Variants in C12orf42 observed in about 807,000 individuals in gnomAD.
C12orf42 encodes uncharacterized protein C12orf42.
Under a neutral mutation model 21.6 loss-of-function variants are expected in C12orf42, and 25 were observed. The ratio of observed to expected loss-of-function variants is 1.16; its 90% CI spans 0.84 to 1.62. The LOEUF (loss-of-function observed/expected upper bound fraction) is 1.62, where lower values mean the gene tolerates loss of function less well. Among genes scored for constraint, C12orf42 ranks in the 40% most tolerant of loss-of-function variants. The pLI is 0.00. For synonymous variants in C12orf42, 174 were observed against 175.0 expected (o/e 0.99, Z 0.05); for missense variants, 483 against 459.3 (o/e 1.05, Z -0.47).
the C12orf42 span, among the ~76,000 whole-genome samples, chr12:103,147,019 C>T: frequency 3.3e-5 from 5 of 152,120 alleles, no homozygotes. Context: ...GAAAAATGGT[C>T]CAGACCCTCA....
chr12:103,372,504 C>G (rs2045343006), intron 3 of C12orf42, among the ~76,000 whole-genome samples: 1 of 152,130 alleles, frequency 6.6e-6, no homozygotes. Flanking sequence ...CCAGCATCAC[C>G]AACGTTACCT....
At chr12:103,348,210 C>T (rs537267460) in intron 4 of C12orf42, among the ~76,000 whole-genome samples, 9 of 151,818 alleles carry the variant, frequency 5.9e-5, no homozygotes, top group Non-Finnish European at 1.2e-4. Context: ...GACAGTTGTA[C>T]AGTCTATCCC....
At chr12:103,432,736 A>C (rs1950356726) in intron 2 of C12orf42, among the ~76,000 whole-genome samples, 1 of 152,172 alleles carries the variant, frequency 6.6e-6, no homozygotes, top group Non-Finnish European at 1.5e-5. Context: ...CTAATCCAAT[A>C]TGCCTGGCAT....
At chr12:103,407,478 G>A (rs977410200) in intron 2 of C12orf42, among the ~76,000 whole-genome samples, 2 of 151,910 alleles carry the variant, frequency 1.3e-5, no homozygotes, top group Admixed American at 6.6e-5. Flanking sequence ...CTTTCATGAT[G>A]GTTCACTTCT....
intron 5 of C12orf42, among the ~76,000 whole-genome samples, chr12:103,305,165 G>A (rs929006220): frequency 3.9e-5 from 6 of 152,150 alleles, no homozygotes; most frequent in African/African-American, 1.4e-4. Context: ...CACATATAAA[G>A]CCATAGACCA....
intron 1 of C12orf42, among the ~76,000 whole-genome samples, chr12:103,479,278 T>C (rs1239707685): frequency 6.6e-6 from 1 of 152,174 alleles, no homozygotes; most frequent in Admixed American, 6.5e-5. Flanking sequence ...ACATAATTTC[T>C]TATTTGTAGT....
At chr12:103,388,831 G>T (rs1212583739) in intron 3 of C12orf42, among the ~76,000 whole-genome samples, 1 of 152,162 alleles carries the variant, frequency 6.6e-6, no homozygotes, top group East Asian at 1.9e-4. Flanking sequence ...TCCCTGCTCT[G>T]CCTCCTCCGC....
the C12orf42 span, chr12:103,557,770 T>C: frequency 6.6e-6 from 1 of 152,114 alleles, no homozygotes. Context: ...CCTCCAAAAC[T>C]AAGAATTTCC....
chr12:103,075,140 TA>T, the C12orf42 span, among the ~76,000 whole-genome samples: 276 of 152,234 alleles, frequency 1.8e-3, 1 homozygote, highest in African/African-American at 6.3e-3. Context: ...TCTGAAGCAT[TA>T]TTTTTTTCAA....
the C12orf42 span, among the ~76,000 whole-genome samples, chr12:103,553,423 T>A: frequency 6.6e-6 from 1 of 152,110 alleles, no homozygotes; most frequent in Admixed American, 6.6e-5. Context: ...AGGAAACAGC[T>A]TCTCTGAGCA....
intron 10 of C12orf42, among the ~76,000 whole-genome samples, chr12:103,239,717 C>T (rs529161486): frequency 4.1e-4 from 62 of 152,196 alleles, no homozygotes; most frequent in Middle Eastern, 3.4e-3. Flanking sequence ...GGTGATTTCC[C>T]TTGGAAGTGG....
At chr12:103,321,759 G>T (rs1450610420) in intron 4 of C12orf42, among the ~76,000 whole-genome samples, 3 of 146,862 alleles carry the variant, frequency 2.0e-5, no homozygotes, top group African/African-American at 5.1e-5. Flanking sequence ...GTAAACTATC[G>T]CAAGAACAAA....
chr12:103,435,232 A>G (rs564503323), intron 2 of C12orf42, among the ~76,000 whole-genome samples: 287 of 152,280 alleles, frequency 1.9e-3, no homozygotes, highest in Admixed American at 4.1e-3. Context: ...AAGGACATCC[A>G]CACCAAAAAC....
chr12:103,402,100 A>G (rs1162673950), intron 2 of C12orf42, among the ~76,000 whole-genome samples: 1 of 152,230 alleles, frequency 6.6e-6, no homozygotes, highest in Non-Finnish European at 1.5e-5. Flanking sequence ...ATGCAGCCAT[A>G]GTCAACCCAC....
intron 2 of C12orf42, among the ~76,000 whole-genome samples, chr12:103,427,043 G>C (rs1200555838): frequency 6.6e-6 from 1 of 152,100 alleles, no homozygotes; most frequent in Admixed American, 6.5e-5. Flanking sequence ...TGAAGAAACT[G>C]TATCAACTAA....
intron 4 of C12orf42, among the ~76,000 whole-genome samples, chr12:103,296,917 G>A (rs1341436847): frequency 6.6e-6 from 1 of 152,158 alleles, no homozygotes; most frequent in Non-Finnish European, 1.5e-5. Flanking sequence ...TGGTGTTTTA[G>A]ACATGAAGTC....
chr12:103,176,326 A>T, the C12orf42 span, among the ~76,000 whole-genome samples: 1 of 152,330 alleles, frequency 6.6e-6, no homozygotes, highest in Non-Finnish European at 1.5e-5. Flanking sequence ...TCTTTGAGTT[A>T]CCACTTTCTA....
the C12orf42 span, among the ~76,000 whole-genome samples, chr12:103,506,879 T>TAATA: frequency 2.1e-5 from 1 of 46,894 alleles, no homozygotes; most frequent in African/African-American, 8.8e-5. Flanking sequence ...TATTTATATA[T>TAATA]TATATATTAA....
the C12orf42 span, among the ~76,000 whole-genome samples, chr12:103,050,623 G>A: frequency 6.6e-6 from 1 of 151,906 alleles, no homozygotes; most frequent in African/African-American, 2.4e-5. Context: ...GTCATTTCGT[G>A]CCAGGACAAG....
Sources: gnomAD v4.1 joint callset for allele counts (sites outside exome capture counted in the v4.1 genomes callset) on GRCh38, gnomAD v4.1.1 for gene constraint, MANE v1.5 for transcripts, NCBI Gene and HGNC (gene_info 2026-07-23, HGNC 2026-07-21) for gene names.